The following KRIT1 variants were observed in gnomAD, a reference collection of about 807,000 sequenced individuals.
KRIT1 encodes krev interaction trapped protein 1.
KRIT1 carries 45 observed loss-of-function variants against 95.8 expected under a neutral mutation model. That is an observed-to-expected ratio of 0.47 (90% confidence interval 0.37 to 0.60). The LOEUF is 0.60. Ranked by LOEUF, KRIT1 falls within the 20% of genes least tolerant of loss-of-function variation. KRIT1 has a pLI of 0.00. For synonymous variants in KRIT1, 282 were observed against 278.8 expected, an observed-to-expected ratio of 1.01 and a Z score of -0.11; for missense variants, 788 against 877.5, an observed-to-expected ratio of 0.90 and a Z score of 1.29.
At chr7:92,202,760 G>T (rs1396206278) in intron 17 of KRIT1, among the ~76,000 whole-genome samples, 1 of 152,084 alleles carries the variant, frequency 6.6e-6, no homozygotes, top group African/African-American at 2.4e-5. Context: ...GAGGTTCTGT[G>T]AATGAAACAC....
chr7:92,237,719 T>A lies in KRIT1; in HGVS notation c.303A>T (p.Gly101=), dbSNP rs1798716702. The A allele has an allele frequency of 6.2e-7, 1 of 1,609,262 alleles. No homozygotes were observed. Among genetic ancestry groups the A allele is most frequent in the African/African-American group, 1.3e-5 (1 of 74,808 alleles). Residue 101 remains glycine (G), a synonymous_variant, in exon 6 of 19, where the codon GGA becomes GGT. Coordinates refer to ENST00000394505, the MANE Select transcript of KRIT1 (RefSeq NM_194454.3). The part of the protein sequence containing the change: ...VVLMKKFPLD[G]EKMGREASLF... ...ATGATGCTTCTCTGCCCATCTTCTC[T>A]CCATCCAGAGGAAATTTTTTCATTA... is the stretch of plus-strand genomic sequence containing the variant.
intron 5 of KRIT1, among the ~76,000 whole-genome samples, chr7:92,239,930 C>T (rs1473075601): frequency 6.6e-6 from 1 of 151,872 alleles, no homozygotes; most frequent in Middle Eastern, 3.2e-3. Flanking sequence ...AAGCTGGTCT[C>T]GAACTCCTGA....
At chr7:92,211,203 C>T (rs1394631490) in intron 17 of KRIT1, among the ~76,000 whole-genome samples, 1 of 152,118 alleles carries the variant, frequency 6.6e-6, no homozygotes, top group Admixed American at 6.6e-5. Context: ...GAAAGGAAAT[C>T]AGTGGGATCC....
At chr7:92,226,204 T>C (rs1429425443) in intron 11 of KRIT1, among the ~76,000 whole-genome samples, 1 of 152,210 alleles carries the variant, frequency 6.6e-6, no homozygotes, top group Non-Finnish European at 1.5e-5. Context: ...GGTTAAATTC[T>C]ACATACATTC....
At chr7:92,224,466 G>T (rs901218202) in intron 12 of KRIT1, among the ~76,000 whole-genome samples, 7 of 151,940 alleles carry the variant, frequency 4.6e-5, no homozygotes, top group African/African-American at 1.7e-4. Flanking sequence ...GTGAGACCCT[G>T]TCTCATAAAA....
intron 6 of KRIT1, 27 bp from the exon 7 acceptor site, chr7:92,236,569 C>T (rs1461308132): frequency 1.4e-6 from 2 of 1,439,476 alleles, no homozygotes; most frequent in Non-Finnish European, 9.8e-7. Context: ...AAGAATTATG[C>T]TACCATATAA....
intron 7 of KRIT1, chr7:92,236,107 T>G (rs1399830768): frequency 7.2e-6 from 2 of 277,164 alleles, no homozygotes; most frequent in Non-Finnish European, 1.4e-5. Context: ...AGAGGTTGAA[T>G]GACTTCTTCA....
Position 92,222,016 on chromosome 7 carries a change from A to G in KRIT1, c.1449T>C (p.His483=). The change falls in exon 14 of 19, where the codon CAT becomes CAC. Residue 483 remains histidine, a synonymous_variant. Coordinates refer to ENST00000394505, the MANE Select transcript of KRIT1 (RefSeq NM_194454.3). The stretch of plus-strand genomic sequence containing the variant: ...CAAGTATTTCTGGCCAGTCACGAAC[A>G]TGTTGCAAGGGTTTATGATATGGTT... The part of the protein sequence containing the change: ...QLKPYHKPLQ[H]VRDWPEILAE... 1.2e-6 allele frequency: 2 copies of G among 1,613,720 alleles called. No homozygotes were observed. Among genetic ancestry groups the G allele is most frequent in the Non-Finnish European group, 1.7e-6 (2 of 1,179,642 alleles).
At chr7:92,240,193 C>T (rs1177090479) in intron 5 of KRIT1, among the ~76,000 whole-genome samples, 1 of 152,050 alleles carries the variant, frequency 6.6e-6, no homozygotes, top group Admixed American at 6.6e-5. Flanking sequence ...AACAAATATC[C>T]AAAATAACTA....
At chr7:92,237,882 G>C (rs748264288) in intron 5 of KRIT1, 123 bp from the exon 6 acceptor site, 4 of 633,386 alleles carry the variant, frequency 6.3e-6, no homozygotes, top group Admixed American at 2.7e-5. Context: ...AATATACTAA[G>C]TCAATTTTAT....
intron 10 of KRIT1, among the ~76,000 whole-genome samples, chr7:92,233,589 T>C (rs1254903942): frequency 6.6e-6 from 1 of 151,820 alleles, no homozygotes; most frequent in Non-Finnish European, 1.5e-5. Flanking sequence ...GTATTTTTAG[T>C]GGAGACGGGG....
At chr7:92,230,529 AAG>A (rs1797064259) in intron 10 of KRIT1, among the ~76,000 whole-genome samples, 2 of 152,216 alleles carry the variant, frequency 1.3e-5, no homozygotes, top group African/African-American at 4.8e-5. Context: ...AAGAGTGAAA[AAG>A]AGAAAGCAGA....
intron 14 of KRIT1, among the ~76,000 whole-genome samples, chr7:92,221,414 AC>A (rs750917495): frequency 1.3e-5 from 2 of 152,112 alleles, no homozygotes; most frequent in Admixed American, 6.6e-5. Context: ...AGCCTGGGAC[AC>A]AGAGCAAGAC....
chr7:92,211,490 T>C (rs1792817762), intron 17 of KRIT1, among the ~76,000 whole-genome samples: 2 of 152,116 alleles, frequency 1.3e-5, no homozygotes, highest in African/African-American at 4.8e-5. Context: ...AGTTGAATGA[T>C]GATTACCAGA....
intron 15 of KRIT1, among the ~76,000 whole-genome samples, 177 bp from the exon 16 acceptor site, chr7:92,214,156 C>CA (rs1425543444): frequency 6.6e-6 from 1 of 152,104 alleles, no homozygotes; most frequent in Non-Finnish European, 1.5e-5. Flanking sequence ...CTCATATTAT[C>CA]AATTTAGATA....
chr7:92,235,759 A>G (rs1258608108), intron 7 of KRIT1, 113 bp from the exon 8 acceptor site: 3 of 976,982 alleles, frequency 3.1e-6, no homozygotes, highest in East Asian at 5.3e-5. Context: ...TCAGATTTTT[A>G]TAATTTTAAT....
intron 14 of KRIT1, among the ~76,000 whole-genome samples, chr7:92,220,034 A>G (rs1794807807): frequency 6.6e-6 from 1 of 152,188 alleles, no homozygotes; most frequent in South Asian, 2.1e-4. Flanking sequence ...GGGAGTTCCT[A>G]TGTATACGTC....
chr7:92,207,293 T>G (rs941559204), intron 17 of KRIT1, among the ~76,000 whole-genome samples: 1 of 151,776 alleles, frequency 6.6e-6, no homozygotes, highest in Non-Finnish European at 1.5e-5. Flanking sequence ...GACATTGCCA[T>G]CAAACAAACA....
chr7:92,220,356 T>C (rs1794884657), intron 14 of KRIT1, among the ~76,000 whole-genome samples: 1 of 152,180 alleles, frequency 6.6e-6, no homozygotes, highest in African/African-American at 2.4e-5. Flanking sequence ...ATGAAGTCCT[T>C]AGTTTTTGGT....
Sources: gnomAD v4.1 joint callset for allele counts (sites outside exome capture counted in the v4.1 genomes callset) on GRCh38, gnomAD v4.1.1 for gene constraint, MANE v1.5 for transcripts, NCBI Gene and HGNC (gene_info 2026-07-23, HGNC 2026-07-21) for gene names.